The following SLC17A5 variants were observed in gnomAD, a reference collection of about 807,000 sequenced individuals.
The protein encoded by SLC17A5 is sialin.
In SLC17A5, 47 loss-of-function variants were observed where a neutral mutation model predicts 59.4. The ratio of observed to expected loss-of-function variants is 0.79; its 90% CI spans 0.63 to 1.01. SLC17A5 has a LOEUF of 1.01. Ranked by LOEUF, SLC17A5 falls within the 50% of genes least tolerant of loss-of-function variation. The pLI is 0.00. For missense variants in SLC17A5, 522 were observed against 595.5 expected, an observed-to-expected ratio of 0.88 and a Z score of 1.28; for synonymous variants, 202 against 210.7, an observed-to-expected ratio of 0.96 and a Z score of 0.36.
chr6:73,636,287 A>G (rs1412591488), intron 5 of SLC17A5, among the ~76,000 whole-genome samples: 2 of 144,802 alleles, frequency 1.4e-5, no homozygotes, highest in African/African-American at 2.8e-5. Flanking sequence ...TAAAAAGAAA[A>G]AAAAAAAAAA....
intron 7 of SLC17A5, among the ~76,000 whole-genome samples, chr6:73,617,429 T>TA (rs1767924757): frequency 1.3e-5 from 2 of 152,152 alleles, no homozygotes; most frequent in South Asian, 4.1e-4. Flanking sequence ...AGTAGGAAAG[T>TA]AAAAAAGAAT....
chr6:73,649,790 T>G (rs923990759), intron 1 of SLC17A5, among the ~76,000 whole-genome samples: 4 of 152,070 alleles, frequency 2.6e-5, no homozygotes, highest in Non-Finnish European at 4.4e-5. Flanking sequence ...TGAGGTTATT[T>G]CTTAGGAATT....
chr6:73,606,249 G>A, intron 9 of SLC17A5, among the ~76,000 whole-genome samples: 1 of 151,890 alleles, frequency 6.6e-6, no homozygotes, highest in East Asian at 2.0e-4. Context: ...CACCATGTTG[G>A]TCAGGCTGGT....
chr6:73,629,194 C>G (rs927185800), intron 6 of SLC17A5, among the ~76,000 whole-genome samples: 1 of 151,970 alleles, frequency 6.6e-6, no homozygotes, highest in Non-Finnish European at 1.5e-5. Context: ...TCAAGACCAG[C>G]CTGGGCAACA....
chr6:73,650,937 G>A (rs1171589069), intron 1 of SLC17A5, among the ~76,000 whole-genome samples: 1 of 152,134 alleles, frequency 6.6e-6, no homozygotes, highest in Non-Finnish European at 1.5e-5. Context: ...AGTCATGACG[G>A]TAATTAAGAC....
At chr6:73,608,722 A>T (rs1381808435) in intron 9 of SLC17A5, among the ~76,000 whole-genome samples, 1 of 152,026 alleles carries the variant, frequency 6.6e-6, no homozygotes, top group Non-Finnish European at 1.5e-5. Flanking sequence ...GCTTGACAAA[A>T]CCTCAAGTCT....
intron 6 of SLC17A5, among the ~76,000 whole-genome samples, chr6:73,629,274 A>G (rs534890827): frequency 2.0e-5 from 3 of 152,156 alleles, no homozygotes; most frequent in African/African-American, 7.2e-5. Context: ...TGTCGTCCCA[A>G]CTACTTGGTA....
At chr6:73,653,688 G>A (rs1013849464) in intron 1 of SLC17A5, 105 bp downstream of exon 1, 11 of 1,229,928 alleles carry the variant, frequency 8.9e-6, no homozygotes, top group Non-Finnish European at 1.3e-5. Flanking sequence ...GAGCAGCTCC[G>A]GTCCCGCCGG....
intron 6 of SLC17A5, among the ~76,000 whole-genome samples, chr6:73,631,235 C>T (rs745659703): frequency 2.7e-5 from 4 of 147,136 alleles, no homozygotes; most frequent in Admixed American, 6.8e-5. Context: ...CATGACAGTC[C>T]GGGAGACAGA....
At chr6:73,615,891 T>G (rs964936624) in intron 7 of SLC17A5, among the ~76,000 whole-genome samples, 11 of 145,202 alleles carry the variant, frequency 7.6e-5, no homozygotes, top group African/African-American at 2.8e-4. Flanking sequence ...TTTTTTTTTT[T>G]TTTTTTTTTT....
At chr6:73,625,124 A>G (rs996966830) in intron 6 of SLC17A5, among the ~76,000 whole-genome samples, 1 of 152,096 alleles carries the variant, frequency 6.6e-6, no homozygotes, top group African/African-American at 2.4e-5. Flanking sequence ...CCTTTTTCAT[A>G]TGGACTTTTT....
chr6:73,638,368 T>A (rs767795763), intron 4 of SLC17A5, 44 bp downstream of exon 4: 1 of 1,414,564 alleles, frequency 7.1e-7, no homozygotes, highest in South Asian at 1.2e-5. Context: ...AAGGTTGATA[T>A]ATACATAACA....
At chr6:73,601,622 G>A (rs1216445980) in intron 9 of SLC17A5, among the ~76,000 whole-genome samples, 7 of 87,512 alleles carry the variant, frequency 8.0e-5, no homozygotes, top group African/African-American at 3.5e-4. Flanking sequence ...CAGCCGCCCC[G>A]TCCGGGAGGG....
At chr6:73,610,712 C>T (rs1188503003) in intron 8 of SLC17A5, among the ~76,000 whole-genome samples, 165 bp from the exon 9 acceptor site, 1 of 151,646 alleles carries the variant, frequency 6.6e-6, no homozygotes, top group Non-Finnish European at 1.5e-5. Flanking sequence ...TGCTGGAAAA[C>T]ATGGGCGTAA....
chr6:73,604,106 T>C lies in SLC17A5; in HGVS notation c.1260-3665A>G, dbSNP rs547747371. 3.3e-5 allele frequency among the ~76,000 whole-genome samples: 5 copies of C among 152,144 alleles called. No homozygotes were observed. The East Asian group carries it at 9.6e-4, about 29-fold the overall frequency. On this transcript the variant is annotated intron_variant, in intron 9 of 10. Coordinates refer to ENST00000355773, the MANE Select transcript of SLC17A5 (RefSeq NM_012434.5). ...GGCTCATCCCCTTTAGGGGTGTATC[T>C]AAATTAACCAAGCTTGGCAGAGCCT...
At chr6:73,609,657 G>A (rs1001479885) in intron 9 of SLC17A5, among the ~76,000 whole-genome samples, 2 of 152,196 alleles carry the variant, frequency 1.3e-5, no homozygotes, top group African/African-American at 2.4e-5. Flanking sequence ...AGAGTTCCTA[G>A]TCTAGTTGGG....
intron 9 of SLC17A5, among the ~76,000 whole-genome samples, chr6:73,603,286 G>A (rs1233545053): frequency 2.0e-5 from 3 of 152,008 alleles, no homozygotes; most frequent in Admixed American, 6.6e-5. Flanking sequence ...CGCATGCCAT[G>A]TAGGTCAGGC....
intron 1 of SLC17A5, chr6:73,645,656 C>T (rs1410763203): frequency 2.4e-5 from 5 of 208,798 alleles, no homozygotes; most frequent in Non-Finnish European, 4.2e-5. Flanking sequence ...GGCGTGGTCG[C>T]GGGCGCCTGT....
At chr6:73,634,282 C>T (rs1023098128) in intron 6 of SLC17A5, among the ~76,000 whole-genome samples, 9 of 152,316 alleles carry the variant, frequency 5.9e-5, no homozygotes, top group African/African-American at 1.2e-4. Context: ...TAATGACACT[C>T]ATTTAAAATA....
Sources: gnomAD v4.1 joint callset for allele counts (sites outside exome capture counted in the v4.1 genomes callset) on GRCh38, gnomAD v4.1.1 for gene constraint, MANE v1.5 for transcripts, NCBI Gene and HGNC (gene_info 2026-07-23, HGNC 2026-07-21) for gene names.